The following CCT5 variants were observed in gnomAD, a reference collection of about 807,000 sequenced individuals.
CCT5 encodes the protein T-complex protein 1 subunit epsilon.
CCT5 carries 6 observed loss-of-function variants against 55.0 expected under a neutral mutation model. The observed-to-expected ratio is 0.11, with a 90% CI of 0.06 to 0.22. The LOEUF (loss-of-function observed/expected upper bound fraction) is 0.22, where lower values mean the gene tolerates loss of function less well. Ranked by LOEUF, CCT5 falls within the 10% of genes least tolerant of loss-of-function variation. The pLI is 1.00. For synonymous variants in CCT5, 231 were observed against 243.7 expected (o/e 0.95, Z 0.49); for missense variants, 560 against 694.6 (o/e 0.81, Z 2.18).
At chr5:10,251,552 A>C (rs1034017449) in intron 1 of CCT5, among the ~76,000 whole-genome samples, 51 of 152,294 alleles carry the variant, frequency 3.3e-4, no homozygotes, top group African/African-American at 1.2e-3. Context: ...TTACTTACGC[A>C]AAGTTAGAAA....
At chr5:10,258,710 G>A (rs1334378032) in intron 6 of CCT5, among the ~76,000 whole-genome samples, 175 bp downstream of exon 6, 1 of 152,230 alleles carries the variant, frequency 6.6e-6, no homozygotes, top group African/African-American at 2.4e-5. Context: ...TAAAATGGTA[G>A]CGTGTTCAGG....
upstream of CCT5, chr5:10,250,166 C>A (rs570002000): frequency 6.5e-7 from 1 of 1,538,338 alleles, no homozygotes; most frequent in Non-Finnish European, 8.7e-7. Flanking sequence ...TCCCGAAGGC[C>A]GCCGATTCCA....
rs775442316 is a variant in CCT5, at chr5:10,256,131, A to G, written c.508A>G (p.Lys170Glu). 4.3e-6 allele frequency: 7 copies of G among 1,613,672 alleles called. No individual in the cohort carries two copies. The highest frequency in any genetic ancestry group is 1.3e-5 in the African/African-American group (1 of 75,070). Residue 170 changes from lysine to glutamate, a missense_variant, in exon 4 of 11, where the codon AAA becomes GAA. Transcript: ENST00000280326. The stretch of plus-strand genomic sequence containing the variant: ...CACCGAACCCCTGATTCAGACAGCA[A>G]AAACCACGCTGGGCTCCAAAGTGTA... ...KDTEPLIQTA[K>E]TTLGSKVVNS...
intron 4 of CCT5, among the ~76,000 whole-genome samples, chr5:10,257,610 T>C (rs1329006856): frequency 6.6e-6 from 1 of 152,238 alleles, no homozygotes; most frequent in Non-Finnish European, 1.5e-5. Flanking sequence ...ACACCCTCCA[T>C]CTATAATGGA....
At chr5:10,255,024 AGGGCT>A in intron 3 of CCT5, 186 bp downstream of exon 3, 1 of 617,560 alleles carries the variant, frequency 1.6e-6, no homozygotes, top group Non-Finnish European at 2.9e-6. Context: ...GAACAGAAAG[AGGGCT>A]GGGGATTGTT....
At chr5:10,251,184 T>G (rs1301614085) in intron 1 of CCT5, among the ~76,000 whole-genome samples, 1 of 152,186 alleles carries the variant, frequency 6.6e-6, no homozygotes, top group Non-Finnish European at 1.5e-5. Context: ...GAGCACTGAC[T>G]TCTTTAACTT....
chr5:10,262,079 T>G (rs1286873791), intron 8 of CCT5: 1 of 396,686 alleles, frequency 2.5e-6, no homozygotes, highest in African/African-American at 2.1e-5. Context: ...CTGCTAGCCC[T>G]AGCAACATAA....
intron 10 of CCT5, among the ~76,000 whole-genome samples, chr5:10,264,027 C>T (rs1380663660): frequency 1.3e-5 from 2 of 152,210 alleles, no homozygotes; most frequent in African/African-American, 4.8e-5. Flanking sequence ...AATCCCAGCA[C>T]TTTAGGAGGC....
intron 4 of CCT5, among the ~76,000 whole-genome samples, chr5:10,257,357 T>A (rs1368858117): frequency 6.6e-6 from 1 of 152,232 alleles, no homozygotes; most frequent in East Asian, 1.9e-4. Context: ...AAGGAGGACA[T>A]CATCATTACT....
intron 9 of CCT5, among the ~76,000 whole-genome samples, chr5:10,262,905 C>A (rs192871293): frequency 1.3e-5 from 2 of 152,270 alleles, no homozygotes; most frequent in South Asian, 4.1e-4. Context: ...AAAAATAAAG[C>A]CATAAGAGCT....
rs11443315 is a variant in CCT5, at chr5:10,253,328, C to CAA, written c.106-807_106-806dup. Among the ~76,000 whole-genome samples, 351 of 147,592 alleles carry CAA rather than the reference C, an allele frequency of 2.4e-3. 1 individual carries two copies. Among genetic ancestry groups the CAA allele is most frequent in the African/African-American group, 2.9e-3 (117 of 40,372 alleles). ...TTTTTGAGACACAGCAAGACTGTCT[C>CAA]AAAAAAAAAAAGGCCAGTCAGTAAC... On this transcript the variant is annotated intron_variant, in intron 1 of 10. Transcript: ENST00000280326.
At chr5:10,251,165 G>A (rs1745385482) in intron 1 of CCT5, among the ~76,000 whole-genome samples, 1 of 152,196 alleles carries the variant, frequency 6.6e-6, no homozygotes, top group Non-Finnish European at 1.5e-5. Context: ...GAGCCATCCG[G>A]TTTTAATGGA....
At chr5:10,262,001 A>T (rs1486859703) in intron 8 of CCT5, 1 of 462,348 alleles carries the variant, frequency 2.2e-6, no homozygotes, top group East Asian at 4.5e-5. Flanking sequence ...AAATACTTAA[A>T]CACAGTTTAA....
At chr5:10,261,043 G>C (rs758999150) in intron 7 of CCT5, 132 bp downstream of exon 7, 34 of 910,500 alleles carry the variant, frequency 3.7e-5, no homozygotes, top group Admixed American at 3.2e-4. Flanking sequence ...TGAGCTGGGA[G>C]AGAGGAAAGC....
intron 10 of CCT5, among the ~76,000 whole-genome samples, 153 bp downstream of exon 10, chr5:10,263,467 G>A (rs1443209985): frequency 3.3e-5 from 5 of 152,194 alleles, no homozygotes. Flanking sequence ...ATGTTTGATT[G>A]CCGTAGGAAT....
At chr5:10,255,017 C>T (rs1195973630) in intron 3 of CCT5, 179 bp downstream of exon 3, 2 of 629,256 alleles carry the variant, frequency 3.2e-6, no homozygotes, top group African/African-American at 3.6e-5. Context: ...TACAAAAGAA[C>T]AGAAAGAGGG....
chr5:10,254,801 G>A lies in CCT5; in HGVS notation c.294G>A (p.Gln98=). The A allele has an allele frequency of 6.2e-7, 1 of 1,614,084 alleles. No individual in the cohort carries two copies. Among genetic ancestry groups the A allele is most frequent in the Non-Finnish European group, 8.5e-7 (1 of 1,179,948 alleles). The change falls in exon 3 of 11, where the codon CAG becomes CAA. Residue 98 remains glutamine (Q), a synonymous_variant. Coordinates refer to ENST00000280326, the MANE Select transcript of CCT5 (RefSeq NM_012073.5). ...TGATGGTGGAACTGTCCAAGTCTCA[G>A]GATGATGAAATTGGAGATGGAACCA... ...AKLMVELSKS[Q]DDEIGDGTTG...
At position 10,266,368 on chromosome 5, in the gene CCT5, G is replaced by GTAATAAACCTCTTCC. The variant is rs1746235203; in HGVS notation, c.*1586_*1600dup. On this transcript the variant is annotated 3_prime_UTR_variant, in exon 11 of 11. Transcript: ENST00000280326. ...CCTTTGATTTTTGTTTCATTTATTT[G>GTAATAAACCTCTTCC]TAATAAACCTCTTCCACGTGATGTC... 6.6e-6 allele frequency: 1 copy of GTAATAAACCTCTTCC among 152,148 alleles called. No homozygotes were observed. Among genetic ancestry groups the GTAATAAACCTCTTCC allele is most frequent in the Admixed American group, 6.5e-5 (1 of 15,276 alleles). The allele number at this position is 152,148 out of a possible 1,614,324, so 9.4% of individuals were successfully genotyped here.
At position 10,252,954 on chromosome 5, in the gene CCT5, C is replaced by CA. The variant is rs1745501452; in HGVS notation, c.106-1189dup. On this transcript the variant is annotated intron_variant, in intron 1 of 10. Transcript: ENST00000280326. ...TAATAATAATAATAATTCTATTACT[C>CA]AATTTGGTAGCTAAATGTGAAAAAA... 3.3e-5 allele frequency among the ~76,000 whole-genome samples: 5 copies of CA among 151,716 alleles called. No homozygotes were observed. The South Asian group carries it at 1.0e-3, about 32-fold the overall frequency.
Sources: allele counts gnomAD v4.1 joint callset (sites outside exome capture counted in the v4.1 genomes callset), GRCh38; gene constraint gnomAD v4.1.1; transcripts MANE v1.5; gene names NCBI Gene and HGNC (gene_info 2026-07-23, HGNC 2026-07-21).